The following MED22 variants were observed in gnomAD, a reference collection of about 807,000 sequenced individuals.
MED22 encodes mediator complex subunit 22.
A neutral mutation model predicts 22.7 loss-of-function variants in MED22; 22 were observed. The ratio of observed to expected loss-of-function variants is 0.97; its 90% confidence interval spans 0.69 to 1.38. MED22 has a LOEUF of 1.38. MED22 is among the 40% of genes most tolerant of loss of function. The pLI is 0.00. For synonymous variants in MED22, 134 were observed against 119.4 expected, an observed-to-expected ratio of 1.12 and a Z score of -0.80; for missense variants, 247 against 263.0, an observed-to-expected ratio of 0.94 and a Z score of 0.42.
chr9:133,345,477 CTCAAGACAAA>C (rs1836154508), intron 2 of MED22, among the ~76,000 whole-genome samples: 1 of 152,214 alleles, frequency 6.6e-6, no homozygotes, highest in Non-Finnish European at 1.5e-5. Context: ...TGCACCTTTG[CTCAAGACAAA>C]TAGAGGCAAC....
intron 2 of MED22, among the ~76,000 whole-genome samples, chr9:133,346,201 C>A (rs2129967492): frequency 0.32 from 48,746 of 152,002 alleles, 8,770 homozygotes; most frequent in South Asian, 0.46. Context: ...CCTGGAGGCC[C>A]CCCCCCACTT....
chr9:133,342,324 G>A (rs1836030140), intron 4 of MED22: 1 of 986,076 alleles, frequency 1.0e-6, no homozygotes, highest in South Asian at 4.7e-5. Flanking sequence ...CCGCAGCTGT[G>A]ACAATCCACG....
rs1054039765 is a variant in MED22 at position 133,343,646 on chromosome 9, A to G, written c.413+479T>C. On this transcript the variant is annotated intron_variant, in intron 4 of 4. Transcript: ENST00000343730. ...CATTCCCATGACTGTCCCTGCCTCC[A>G]CACTGGGGTTTGGTGACATCCACAT... 1.6e-5 allele frequency: 20 copies of G among 1,250,758 alleles called. No homozygotes were observed. The African/African-American group carries it at 2.8e-4, about 17-fold the overall frequency. 77.5% of individuals were successfully genotyped at this position (1,250,758 alleles called of 1,614,324 possible).
In MED22 at chr9:133,344,134, TA is replaced by T; in HGVS notation, c.403del (p.Tyr135ThrfsTer80). The T allele has an allele frequency of 6.2e-7, 1 of 1,614,086 alleles. No individual in the cohort carries two copies. Among genetic ancestry groups the T allele is most frequent in the South Asian group, 1.1e-5 (1 of 91,080 alleles). On this transcript the variant is annotated frameshift_variant, in exon 4 of 5. Coordinates refer to ENST00000343730, the MANE Select transcript of MED22 (RefSeq NM_133640.5). LOFTEE classifies it high-confidence loss of function. The part of the protein sequence containing the change: ...IDLYELEEEY[Y>X]SSSSSLCEAN... ...CCAGCGCTATTTATACCTGGACGAG[TA>T]ATACTCCTCCTCCAGCTCGTAGAGG...
At chr9:133,342,815 TG>T in intron 4 of MED22, 1 of 985,580 alleles carries the variant, frequency 1.0e-6, no homozygotes, top group Non-Finnish European at 1.2e-6. Context: ...ACAGATGTCC[TG>T]GGTTTGCGCC....
chr9:133,348,083 AGCC>A lies in MED22; in HGVS notation c.-203_-201del. 9.7e-7 allele frequency: 1 copy of A among 1,030,926 alleles called. No homozygotes were observed. Among genetic ancestry groups the A allele is most frequent in the Non-Finnish European group, 1.5e-6 (1 of 673,930 alleles). The allele number at this position is 1,030,926 out of a possible 1,614,324, so 63.9% of individuals were successfully genotyped here. ...CGCGCCGCGGTCCGAAAACCTAGTC[AGCC>A]GCCGCAGCCTCTCGGCCCCGCCTCG... is the stretch of plus-strand genomic sequence containing the variant. On this transcript the variant is annotated 5_prime_UTR_variant, in exon 1 of 5. Transcript: ENST00000343730.
At chr9:133,342,715 A>T (rs1836046130) in intron 4 of MED22, 11 of 986,038 alleles carry the variant, frequency 1.1e-5, no homozygotes, top group Non-Finnish European at 1.3e-5. Flanking sequence ...TGGTGTGGAC[A>T]GGAGGCCTGC....
At chr9:133,343,669 C>T (rs1836081083) in intron 4 of MED22, 3 of 1,256,914 alleles carry the variant, frequency 2.4e-6, no homozygotes, top group Admixed American at 7.4e-5. Context: ...GTGACATCCA[C>T]ATGGAATTGC....
Position 133,339,721 on chromosome 9 carries a change from C to T in MED22, c.*1784G>A, listed in dbSNP as rs2129943454. 9 of 260,922 alleles carry T rather than the reference C, an allele frequency of 3.4e-5. No individual in the cohort carries two copies. The highest frequency in any genetic ancestry group is 1.3e-4 in the South Asian group (3 of 22,950). 16.2% of individuals were successfully genotyped at this position (260,922 alleles called of 1,614,324 possible). The stretch of plus-strand genomic sequence containing the variant: ...AGAGTTACATGGACTGAGAATGGGC[C>T]GGGGCTTAGCAATGTGGAGGCCACT... On this transcript the variant is annotated 3_prime_UTR_variant, in exon 5 of 5. Coordinates refer to ENST00000343730, the MANE Select transcript of MED22 (RefSeq NM_133640.5).
Position 133,345,189 on chromosome 9 carries a change from C to G in MED22, c.187G>C (p.Val63Leu). 6.2e-7 allele frequency: 1 copy of G among 1,614,056 alleles called. No homozygotes were observed. Among genetic ancestry groups the G allele is most frequent in the Non-Finnish European group, 8.5e-7 (1 of 1,180,020 alleles). ...CCACTCACGATGTTGGCGGCTCGCA[C>G]ATGCATCTCGTAATTGTCCTGTTCA... ...QGEQDNYEMHVRAANIVRAGE... is the reference protein window; with the variant it reads ...QGEQDNYEMHLRAANIVRAGE... The change falls in exon 3 of 5, where the codon GTG becomes CTG. Residue 63 changes from valine to leucine, a missense_variant. By Grantham distance (32) the Val-to-Leu change is conservative. Transcript: ENST00000343730.
chr9:133,345,652 C>T (rs919001868), intron 2 of MED22, among the ~76,000 whole-genome samples: 3 of 152,134 alleles, frequency 2.0e-5, no homozygotes, highest in Non-Finnish European at 2.9e-5. Context: ...TTTTTTTTCG[C>T]GACCATTTCC....
At position 133,339,147 on chromosome 9, in the gene MED22, C is replaced by G; in HGVS notation, c.*2358G>C. 1 of 682,064 alleles carries G rather than the reference C, an allele frequency of 1.5e-6. No individual in the cohort carries two copies. The highest frequency in any genetic ancestry group is 2.7e-6 in the Non-Finnish European group (1 of 364,876). The allele number at this position is 682,064 out of a possible 1,614,324, so 42.3% of individuals were successfully genotyped here. ...ATGGGTACTGTTCAAAAAGGAATGCCCCACAAATGTCACCATGGCTAGACT... is the reference window on the plus strand; with the variant it reads ...ATGGGTACTGTTCAAAAAGGAATGCGCCACAAATGTCACCATGGCTAGACT... On this transcript the variant is annotated 3_prime_UTR_variant, in exon 5 of 5. Transcript: ENST00000343730.
Position 133,341,771 on chromosome 9 carries a change from G to A in MED22, c.414-77C>T, listed in dbSNP as rs142318013. On this transcript the variant is annotated intron_variant, in intron 4 of 4. Coordinates refer to ENST00000343730, the MANE Select transcript of MED22 (RefSeq NM_133640.5). Reference sequence around the variant, plus strand: ...AGCCAGGGGAGGGGAGAGCAAGACAGAAGCAGAGTTAAGAAAACACGACCA... The same window carrying A: ...AGCCAGGGGAGGGGAGAGCAAGACAAAAGCAGAGTTAAGAAAACACGACCA... 751 of 1,553,642 alleles carry A rather than the reference G, an allele frequency of 4.8e-4. 2 individuals carry two copies. The highest frequency in any genetic ancestry group is 1.4e-3 in the Middle Eastern group (8 of 5,878).
At chr9:133,342,021 C>A (rs2129951874) in intron 4 of MED22, 2 of 1,129,738 alleles carry the variant, frequency 1.8e-6, no homozygotes, top group Non-Finnish European at 2.2e-6. Flanking sequence ...GTGCTGGTCC[C>A]CCTCCTCTTG....
chr9:133,346,513 C>T (rs2129968418), intron 2 of MED22, 27 bp downstream of exon 2: 11 of 1,611,360 alleles, frequency 6.8e-6, no homozygotes, highest in Middle Eastern at 1.7e-4. Flanking sequence ...AGACTCTGCT[C>T]CCCTTGGTGG....
At chr9:133,343,244 C>G (rs1836066512) in intron 4 of MED22, 1 of 1,202,452 alleles carries the variant, frequency 8.3e-7, no homozygotes. Flanking sequence ...AAATCCACCA[C>G]CAGGAAGGAA....
chr9:133,346,627 C>T lies in MED22; in HGVS notation c.36G>A (p.Glu12=), dbSNP rs1274482841. Residue 12 remains glutamate, a synonymous_variant, in exon 2 of 5, where the codon GAG becomes GAA. Coordinates refer to ENST00000343730, the MANE Select transcript of MED22 (RefSeq NM_133640.5). ...GCTTGTTGTAGGACTGCAGCAGCGT[C>T]TCCTTGCTCTGGGGCAGGGCTCTCT... ...AQQRALPQSK[E]TLLQSYNKRL... is the part of the protein sequence containing the mutation. The T allele has an allele frequency of 6.8e-6, 11 of 1,612,598 alleles. No individual in the cohort carries two copies. The highest frequency in any genetic ancestry group is 9.3e-6 in the Non-Finnish European group (11 of 1,180,024).
rs112395198 is a variant in MED22, at chr9:133,338,669, C to T, written c.*2836G>A. The T allele has an allele frequency of 1.0e-4, 26 of 253,080 alleles. No individual in the cohort carries two copies. The highest frequency in any genetic ancestry group is 3.2e-3 in the Middle Eastern group (2 of 632). The allele number at this position is 253,080 out of a possible 1,614,324, so 15.7% of individuals were successfully genotyped here. The stretch of plus-strand genomic sequence containing the variant: ...GTTGGTCAGGCTGGTCTGGAAATCC[C>T]GACCTCAGGTGATCCGCCCGCCTTG... On this transcript the variant is annotated 3_prime_UTR_variant, in exon 5 of 5. Transcript: ENST00000343730.
At position 133,341,420 on chromosome 9, in the gene MED22, C is replaced by G. The variant is rs1836000525; in HGVS notation, c.*85G>C. The G allele has an allele frequency of 1.5e-6, 2 of 1,372,674 alleles. No homozygotes were observed. The highest frequency in any genetic ancestry group is 1.9e-6 in the Non-Finnish European group (2 of 1,057,620). 85.0% of individuals were successfully genotyped at this position (1,372,674 alleles called of 1,614,324 possible). On this transcript the variant is annotated 3_prime_UTR_variant, in exon 5 of 5. Transcript: ENST00000343730. Reference sequence around the variant, plus strand: ...GGTCCTGAAGTCCCCAAATGGGAACCTAGGCTGAGAGAAGCAAGGCTGTGA... The same window carrying G: ...GGTCCTGAAGTCCCCAAATGGGAACGTAGGCTGAGAGAAGCAAGGCTGTGA...
Sources: gnomAD v4.1 joint callset for allele counts (sites outside exome capture counted in the v4.1 genomes callset) on GRCh38, gnomAD v4.1.1 for gene constraint, MANE v1.5 for transcripts, NCBI Gene and HGNC (gene_info 2026-07-23, HGNC 2026-07-21) for gene names.